C2orf42: variants seen among roughly 807,000 people sequenced by gnomAD.
C2orf42 encodes uncharacterized protein C2orf42.
A neutral mutation model predicts 58.9 loss-of-function variants in C2orf42; 44 were observed. The ratio of observed to expected loss-of-function variants is 0.75; its 90% CI spans 0.59 to 0.96. The LOEUF (loss-of-function observed/expected upper bound fraction) is 0.96, where lower values mean the gene tolerates loss of function less well. Ranked by LOEUF, C2orf42 falls within the 40% of genes least tolerant of loss-of-function variation. The probability of loss-of-function intolerance (pLI) is 0.00; values close to 1 mark genes in which losing one functional copy is unlikely to be tolerated. For missense variants in C2orf42, 630 were observed against 699.2 expected, an observed-to-expected ratio of 0.90 and a Z score of 1.12; for synonymous variants, 239 against 265.4, an observed-to-expected ratio of 0.90 and a Z score of 0.97.
chr2:70,187,051 T>C (rs2103673929), intron 1 of C2orf42, among the ~76,000 whole-genome samples: 1 of 152,026 alleles, frequency 6.6e-6, no homozygotes, highest in Non-Finnish European at 1.5e-5. Flanking sequence ...CATGTATACA[T>C]ATGTAACTAA....
At chr2:70,183,564 G>C (rs1674720244) in intron 1 of C2orf42, among the ~76,000 whole-genome samples, 1 of 148,870 alleles carries the variant, frequency 6.7e-6, no homozygotes, top group Admixed American at 6.7e-5. Flanking sequence ...TTAGTAGCTG[G>C]GACTACGGGC....
intron 4 of C2orf42, among the ~76,000 whole-genome samples, chr2:70,178,985 T>C (rs1287392087): frequency 6.6e-6 from 1 of 151,628 alleles, no homozygotes; most frequent in Non-Finnish European, 1.5e-5. Flanking sequence ...TTTCTCCATA[T>C]ACTGAAAATG....
chr2:70,155,741 A>G (rs1251857077), intron 9 of C2orf42, among the ~76,000 whole-genome samples: 6 of 150,476 alleles, frequency 4.0e-5, no homozygotes, highest in East Asian at 4.0e-4. Context: ...CGGAGGTTGC[A>G]GTGAGCCGAG....
intron 1 of C2orf42, chr2:70,190,159 C>T (rs1675250702): frequency 6.6e-6 from 1 of 152,206 alleles, no homozygotes; most frequent in South Asian, 2.1e-4. Context: ...ATTAACACAA[C>T]TTGTAAAGAA....
At chr2:70,159,712 C>G (rs965322867) in intron 9 of C2orf42, among the ~76,000 whole-genome samples, 2 of 151,992 alleles carry the variant, frequency 1.3e-5, no homozygotes, top group Non-Finnish European at 2.9e-5. Context: ...AATTTTTCTT[C>G]TTTTAGTAAA....
intron 6 of C2orf42, among the ~76,000 whole-genome samples, chr2:70,166,786 C>A (rs1302141250): frequency 6.6e-6 from 1 of 152,150 alleles, no homozygotes; most frequent in African/African-American, 2.4e-5. Context: ...ACAGCACAGA[C>A]TTTCCCCCTT....
chr2:70,168,157 C>G (rs112302272), intron 6 of C2orf42, among the ~76,000 whole-genome samples: 29,672 of 151,394 alleles, frequency 0.2, 4,074 homozygotes, highest in African/African-American at 0.39. Context: ...TTGCTTGAAC[C>G]TGGGAGGTGG....
At chr2:70,180,056 C>A (rs1674450172) in intron 3 of C2orf42, among the ~76,000 whole-genome samples, 1 of 152,176 alleles carries the variant, frequency 6.6e-6, no homozygotes. Flanking sequence ...CTCTGGGAGG[C>A]CGAGGCGGGT....
In C2orf42 at chr2:70,157,811, A is replaced by T. The variant is rs1245845087; in HGVS notation, c.1516+2814T>A. 5.3e-5 allele frequency among the ~76,000 whole-genome samples: 8 copies of T among 152,180 alleles called. 1 individual carries two copies. Among genetic ancestry groups the T allele is most frequent in the Non-Finnish European group, 4.4e-5 (3 of 68,036 alleles). On this transcript the variant is annotated intron_variant, in intron 9 of 9. Transcript: ENST00000264434. ...GACTGTATCTGAAAAACAAACAAAA[A>T]CTATATACGAGTTTATATTGGATAA...
At chr2:70,161,676 A>G (rs1289124050) in intron 8 of C2orf42, among the ~76,000 whole-genome samples, 2 of 151,914 alleles carry the variant, frequency 1.3e-5, no homozygotes, top group Non-Finnish European at 2.9e-5. Context: ...CCTCATCTCT[A>G]CTAAAAATAC....
rs758706026 is a variant in C2orf42, at chr2:70,166,503, T to TAA, written c.1145-870_1145-869dup. On this transcript the variant is annotated intron_variant, in intron 6 of 9. Coordinates refer to ENST00000264434, the MANE Select transcript of C2orf42 (RefSeq NM_017880.3). The stretch of plus-strand genomic sequence containing the variant: ...CAACATGGTGAAAACCCATCTCTAC[T>TAA]AAAAAAAAAAAAAAAAAAAAAAATT... 4.2e-3 allele frequency among the ~76,000 whole-genome samples: 388 copies of TAA among 93,098 alleles called. 9 individuals are homozygous for TAA. The East Asian group carries it at 0.099, about 24-fold the overall frequency. 61.1% of individuals were successfully genotyped at this position (93,098 alleles called of 152,430 possible). A position where few individuals can be genotyped will look rare whatever the true frequency, so the allele number is the denominator to read the frequency against.
intron 1 of C2orf42, among the ~76,000 whole-genome samples, chr2:70,186,959 G>C (rs1006947963): frequency 1.3e-5 from 2 of 151,886 alleles, no homozygotes; most frequent in South Asian, 2.1e-4. Context: ...GTTGTGGGGT[G>C]GGGGGAGGAG....
Position 70,165,162 on chromosome 2 carries a change from C to G in C2orf42, c.1283G>C (p.Gly428Ala). The G allele has an allele frequency of 6.2e-7, 1 of 1,609,550 alleles. No homozygotes were observed. The highest frequency in any genetic ancestry group is 2.2e-5 in the East Asian group (1 of 44,824). ...ATGCCAAGTATACTTGGAAAAGGTTCCCAGTGGCAAGGCATCTTTCCGAAC... is the reference window on the plus strand; with the variant it reads ...ATGCCAAGTATACTTGGAAAAGGTTGCCAGTGGCAAGGCATCTTTCCGAAC... ...AFVRKDALPL[G>A]TFSKYTWHIT... The change falls in exon 8 of 10, where the codon GGA (glycine) becomes GCA (alanine). Residue 428 changes from glycine to alanine, a missense_variant. Gly to Ala is a moderately conservative substitution (Grantham distance 60). Coordinates refer to ENST00000264434, the MANE Select transcript of C2orf42 (RefSeq NM_017880.3).
chr2:70,180,829 C>T (rs1220686266), intron 3 of C2orf42, among the ~76,000 whole-genome samples: 1 of 149,850 alleles, frequency 6.7e-6, no homozygotes, highest in East Asian at 2.0e-4. Flanking sequence ...AAGTAAGACC[C>T]CTATCTGCAA....
At chr2:70,158,713 G>A (rs1490820321) in intron 9 of C2orf42, among the ~76,000 whole-genome samples, 1 of 151,590 alleles carries the variant, frequency 6.6e-6, no homozygotes, top group African/African-American at 2.4e-5. Context: ...CTCCCAAAGT[G>A]CTGGAATTAT....
At chr2:70,158,234 C>G (rs564127930) in intron 9 of C2orf42, among the ~76,000 whole-genome samples, 16 of 151,272 alleles carry the variant, frequency 1.1e-4, no homozygotes, top group African/African-American at 3.1e-4. Flanking sequence ...AAAGATACAT[C>G]TTCTGACCTC....
chr2:70,158,423 A>ATTATTTAT (rs544757170), intron 9 of C2orf42, among the ~76,000 whole-genome samples: 3 of 151,494 alleles, frequency 2.0e-5, no homozygotes, highest in African/African-American at 7.3e-5. Context: ...TATTCCTTTT[A>ATTATTTAT]TTATTTATTT....
intron 9 of C2orf42, among the ~76,000 whole-genome samples, chr2:70,159,907 A>C (rs1432295819): frequency 6.6e-6 from 1 of 152,172 alleles, no homozygotes; most frequent in Admixed American, 6.6e-5. Flanking sequence ...TAAAACTAAG[A>C]GATTTCCATA....
chr2:70,165,255 T>A, intron 7 of C2orf42, 63 bp from the exon 8 acceptor site: 1 of 955,728 alleles, frequency 1.0e-6, no homozygotes, highest in Non-Finnish European at 1.7e-6. Flanking sequence ...TTGTTGTATT[T>A]GTTACCTAGT....
Sources: allele counts gnomAD v4.1 joint callset (sites outside exome capture counted in the v4.1 genomes callset), GRCh38; gene constraint gnomAD v4.1.1; transcripts MANE v1.5; gene names NCBI Gene and HGNC (gene_info 2026-07-23, HGNC 2026-07-21).